The following TUBA1C variants were observed in gnomAD, a reference collection of about 807,000 sequenced individuals.
TUBA1C encodes the protein tubulin alpha 1c.
TUBA1C carries 16 observed loss-of-function variants against 34.9 expected under a neutral mutation model. The observed-to-expected ratio is 0.46, with a 90% CI of 0.31 to 0.70. The LOEUF (loss-of-function observed/expected upper bound fraction) is 0.70, where lower values mean the gene tolerates loss of function less well. Ranked by LOEUF, TUBA1C falls within the 30% of genes least tolerant of loss-of-function variation. TUBA1C has a pLI of 0.05. For missense variants in TUBA1C, 329 were observed against 587.3 expected (o/e 0.56, Z 4.55); for synonymous variants, 177 against 215.9 (o/e 0.82, Z 1.58).
intron 1 of TUBA1C, chr12:49,257,770 C>T (rs939138541): frequency 6.5e-6 from 1 of 153,486 alleles, no homozygotes; most frequent in East Asian, 1.9e-4. Context: ...CAGAGGGAGA[C>T]CCTGTTTCAA....
At chr12:49,249,963 G>A (rs1385329921) in intron 1 of TUBA1C, among the ~76,000 whole-genome samples, 4 of 151,820 alleles carry the variant, frequency 2.6e-5, no homozygotes, top group Admixed American at 6.6e-5. Flanking sequence ...TTGGGAGGCC[G>A]AGGCAGGTGG....
At chr12:49,258,294 C>G (rs1035689107) in intron 1 of TUBA1C, among the ~76,000 whole-genome samples, 6 of 152,100 alleles carry the variant, frequency 3.9e-5, no homozygotes, top group African/African-American at 1.2e-4. Flanking sequence ...CCTAGGTCAG[C>G]TGGGTGCAGT....
intron 1 of TUBA1C, among the ~76,000 whole-genome samples, chr12:49,235,225 G>A (rs886670725): frequency 6.6e-5 from 10 of 151,628 alleles, no homozygotes; most frequent in African/African-American, 2.4e-4. Flanking sequence ...CGGACAAAAA[G>A]GCAGTATAGG....
chr12:49,248,850 A>G (rs1287607223), intron 1 of TUBA1C, among the ~76,000 whole-genome samples: 30 of 146,564 alleles, frequency 2.0e-4, no homozygotes, highest in Non-Finnish European at 3.4e-4. Context: ...CCTGGGTGAC[A>G]GAGCGAGACT....
At chr12:49,254,955 TTA>T (rs1465385339) in intron 1 of TUBA1C, among the ~76,000 whole-genome samples, 13 of 152,054 alleles carry the variant, frequency 8.5e-5, no homozygotes, top group African/African-American at 3.1e-4. Context: ...TATTTTTTTT[TTA>T]TTTTTTAAGT....
rs1943022776 is a variant in TUBA1C at position 49,273,392 on chromosome 12, T to C, written c.*165T>C. The C allele has an allele frequency of 3.9e-6, 5 of 1,268,832 alleles. No individual in the cohort carries two copies. The highest frequency in any genetic ancestry group is 1.4e-5 in the South Asian group (1 of 73,752). The allele number at this position is 1,268,832 out of a possible 1,614,324, so 78.6% of individuals were successfully genotyped here. On this transcript the variant is annotated 3_prime_UTR_variant, in exon 4 of 4. Coordinates refer to ENST00000301072, the MANE Select transcript of TUBA1C (RefSeq NM_032704.5). ...AAGTTGGATGTATGAGGCTGGTAGA[T>C]GAAACCACCTGAGTCGAGGGTCTTG...
intron 1 of TUBA1C, among the ~76,000 whole-genome samples, chr12:49,246,117 G>C (rs540251307): frequency 1.7e-4 from 26 of 151,896 alleles, no homozygotes; most frequent in African/African-American, 6.3e-4. Context: ...TGTTAGCCAG[G>C]CTGGTCTCAA....
chr12:49,228,180 A>G (rs756271836), intron 1 of TUBA1C: 31 of 1,535,240 alleles, frequency 2.0e-5, no homozygotes, highest in Non-Finnish European at 2.6e-5. Context: ...AGGCTGTAAT[A>G]GTAATGTAAT....
chr12:49,244,693 A>G (rs1237440014), intron 1 of TUBA1C, among the ~76,000 whole-genome samples: 4 of 152,082 alleles, frequency 2.6e-5, no homozygotes, highest in African/African-American at 9.7e-5. Context: ...AATACCTTAT[A>G]GTTGTGTCTA....
upstream of TUBA1C, chr12:49,264,836 TTCCTCCCCTTCCTCC>T (rs1942880616): frequency 9.6e-6 from 1 of 104,062 alleles, no homozygotes; most frequent in Non-Finnish European, 2.0e-5. Flanking sequence ...CTTCCTCCCC[TTCCTCCCCTTCCTCC>T]CCTTCCTCCC....
rs551148329 is a variant in TUBA1C, at chr12:49,231,576, C to A, written c.213+3410C>A. Among the ~76,000 whole-genome samples the A allele has an allele frequency of 2.0e-5, 3 of 152,286 alleles. No individual in the cohort carries two copies. The South Asian group carries it at 6.2e-4, about 32-fold the overall frequency. On this transcript the variant is annotated intron_variant, in intron 1 of 3. Coordinates refer to the TUBA1C transcript ENST00000541364. ...GCTCTTGCCCTCAAAGTGCTTACAA[C>A]TTTTAAATTTAATCTCCTTAACACT...
intron 1 of TUBA1C, among the ~76,000 whole-genome samples, chr12:49,238,828 G>A (rs1942583945): frequency 6.6e-6 from 1 of 151,958 alleles, no homozygotes; most frequent in Non-Finnish European, 1.5e-5. Flanking sequence ...CATAGGGCGA[G>A]GTACGGAGGA....
At chr12:49,233,069 C>T (rs1434744265) in intron 1 of TUBA1C, 1 of 152,144 alleles carries the variant, frequency 6.6e-6, no homozygotes, top group African/African-American at 2.4e-5. Context: ...AAAAAGTGGC[C>T]ACCCCTCCCC....
At chr12:49,257,323 G>T (rs1486272474) in intron 1 of TUBA1C, among the ~76,000 whole-genome samples, 2 of 152,034 alleles carry the variant, frequency 1.3e-5, no homozygotes, top group African/African-American at 4.8e-5. Context: ...CTGTAAAATG[G>T]AGGTAACAAT....
At chr12:49,270,275 A>G (rs3847765) in intron 3 of TUBA1C, 50,118 of 501,344 alleles carry the variant, frequency 0.1, 2,940 homozygotes, top group African/African-American at 0.17. Flanking sequence ...AATTGATCAG[A>G]GTCATTTTTT....
Position 49,272,769 on chromosome 12 carries a change from C to T in TUBA1C, c.892C>T (p.Pro298Ser). 1 of 1,613,796 alleles carries T rather than the reference C, an allele frequency of 6.2e-7. No homozygotes were observed. The highest frequency in any genetic ancestry group is 8.5e-7 in the Non-Finnish European group (1 of 1,180,002). Residue 298 changes from proline (P) to serine (S), a missense_variant, in exon 4 of 4, where the codon CCA becomes TCA. Coordinates refer to ENST00000301072, the MANE Select transcript of TUBA1C (RefSeq NM_032704.5). ...VAEITNACFE[P>S]ANQMVKCDPR... is the part of the protein sequence containing the mutation. Reference sequence around the variant, plus strand: ...AGAGATCACCAATGCTTGCTTTGAGCCAGCCAACCAGATGGTGAAATGTGA... The same window carrying T: ...AGAGATCACCAATGCTTGCTTTGAGTCAGCCAACCAGATGGTGAAATGTGA...
chr12:49,266,406 G>A (rs551073662), intron 1 of TUBA1C, among the ~76,000 whole-genome samples: 1 of 151,270 alleles, frequency 6.6e-6, no homozygotes, highest in Non-Finnish European at 1.5e-5. Context: ...CTCCAGCCTG[G>A]GCGACAGAGC....
In TUBA1C at chr12:49,228,307, A is replaced by T. The variant is rs1016392380; in HGVS notation, c.213+141A>T. On this transcript the variant is annotated intron_variant, in intron 1 of 3. Coordinates refer to the TUBA1C transcript ENST00000541364. The stretch of plus-strand genomic sequence containing the variant: ...AATTATATTGGTGGCATTAGTGTTT[A>T]TCTTATTATTTCTGCAATCCTTTTT... 6 of 804,146 alleles carry T rather than the reference A, an allele frequency of 7.5e-6. No individual in the cohort carries two copies. The African/African-American group carries it at 1.0e-4, about 14-fold the overall frequency. The allele number at this position is 804,146 out of a possible 1,614,324, so 49.8% of individuals were successfully genotyped here. A position where few individuals can be genotyped will look rare whatever the true frequency, so the allele number is the denominator to read the frequency against.
chr12:49,259,782 T>C (rs1942824504), intron 1 of TUBA1C, among the ~76,000 whole-genome samples: 1 of 152,234 alleles, frequency 6.6e-6, no homozygotes, highest in Non-Finnish European at 1.5e-5. Context: ...TTCTCTCTAG[T>C]ATTCAGATTC....
Sources: gnomAD v4.1 joint callset for allele counts (sites outside exome capture counted in the v4.1 genomes callset) on GRCh38, gnomAD v4.1.1 for gene constraint, MANE v1.5 for transcripts, NCBI Gene and HGNC (gene_info 2026-07-23, HGNC 2026-07-21) for gene names.